Variants in GLP1R observed in about 807,000 individuals in gnomAD.
The protein encoded by GLP1R is glucagon-like peptide 1 receptor.
A neutral mutation model predicts 68.4 loss-of-function variants in GLP1R; 32 were observed. That is an observed-to-expected ratio of 0.47 (90% CI 0.35 to 0.63). The LOEUF (loss-of-function observed/expected upper bound fraction) is 0.63, where lower values mean the gene tolerates loss of function less well. Ranked by LOEUF, GLP1R falls within the 20% of genes least tolerant of loss-of-function variation. The pLI is 0.00. For synonymous variants in GLP1R, 263 were observed against 244.4 expected, an observed-to-expected ratio of 1.08 and a Z score of -0.71; for missense variants, 502 against 594.9, an observed-to-expected ratio of 0.84 and a Z score of 1.62.
At position 39,091,069 on chromosome 6, in the gene GLP1R, G is replaced by A. The variant is rs1296805584; in HGVS notation, c.*4996G>A. 6.6e-6 allele frequency among the ~76,000 whole-genome samples: 1 copy of A among 152,154 alleles called. No homozygotes were observed. Among genetic ancestry groups the A allele is most frequent in the Non-Finnish European group, 1.5e-5 (1 of 68,032 alleles). ...AACAGAGAGGTAAGCCAAGCTCTCA[G>A]GAGGGACAAAGATAGATTTCTATCT... On this transcript the variant is annotated 3_prime_UTR_variant, in exon 13 of 13. Coordinates refer to ENST00000373256, the MANE Select transcript of GLP1R (RefSeq NM_002062.5).
chr6:39,082,792 G>A (rs1454617272), intron 12 of GLP1R, among the ~76,000 whole-genome samples: 1 of 152,140 alleles, frequency 6.6e-6, no homozygotes, highest in Non-Finnish European at 1.5e-5. Context: ...GTGGGGATGA[G>A]GAGCAGAGGC....
chr6:39,073,738 G>T lies in GLP1R; in HGVS notation c.792G>T (p.Trp264Cys), dbSNP rs2150832591. The change falls in exon 7 of 13, where the codon TGG (tryptophan) becomes TGT (cysteine). Residue 264 changes from tryptophan (W) to cysteine (C), a missense_variant. Physicochemically the swap from Trp to Cys is radical, Grantham distance 215 (BLOSUM62 -2). Coordinates refer to ENST00000373256, the MANE Select transcript of GLP1R (RefSeq NM_002062.5). ...LLAFSVLSEQWIFRLYVSIGW... is the reference protein window; with the variant it reads ...LLAFSVLSEQCIFRLYVSIGW... The stretch of plus-strand genomic sequence containing the variant: ...CCTTCTCGGTCTTATCTGAGCAATG[G>T]ATCTTCAGGCTCTACGTGAGCATAG... 1 of 1,613,984 alleles carries T rather than the reference G, an allele frequency of 6.2e-7. No homozygotes were observed. The highest frequency in any genetic ancestry group is 8.5e-7 in the Non-Finnish European group (1 of 1,179,928).
chr6:39,090,525 G>A lies in GLP1R; in HGVS notation c.*4452G>A, dbSNP rs1769256312. Among the ~76,000 whole-genome samples, 1 of 152,188 alleles carries A rather than the reference G, an allele frequency of 6.6e-6. No homozygotes were observed. Among genetic ancestry groups the A allele is most frequent in the South Asian group, 2.1e-4 (1 of 4,828 alleles). ...TACTGTGAATGCTGTTCTTTCAGCT[G>A]TGACCAATTTGGGGGTGCAGCTGAG... On this transcript the variant is annotated 3_prime_UTR_variant, in exon 13 of 13. Transcript: ENST00000373256.
intron 7 of GLP1R, among the ~76,000 whole-genome samples, chr6:39,076,394 A>G (rs1274771946): frequency 1.3e-5 from 2 of 152,150 alleles, no homozygotes; most frequent in African/African-American, 2.4e-5. Context: ...AGCACCGTAG[A>G]TGCTGAGAGG....
Position 39,048,885 on chromosome 6 carries a change from C to A in GLP1R, c.45C>A (p.Leu15=). The A allele has an allele frequency of 2.0e-6, 3 of 1,487,642 alleles. No individual in the cohort carries two copies. The highest frequency in any genetic ancestry group is 1.5e-5 in the African/African-American group (1 of 68,440). 92.2% of individuals were successfully genotyped at this position (1,487,642 alleles called of 1,614,324 possible). The change falls in exon 1 of 13, where the codon CTC becomes CTA. Residue 15 remains leucine, a synonymous_variant. Transcript: ENST00000373256. ...CGCTGCGCCTTGCGCTGCTGCTGCT[C>A]GGGATGGTGGGCAGGGCCGGCCCCC... ...PGPLRLALLL[L]GMVGRAGPRP...
chr6:39,048,902 C>A lies in GLP1R; in HGVS notation c.62C>A (p.Ala21Asp). 1.4e-6 allele frequency: 2 copies of A among 1,417,272 alleles called. No individual in the cohort carries two copies. The highest frequency in any genetic ancestry group is 1.8e-6 in the Non-Finnish European group (2 of 1,082,112). The allele number at this position is 1,417,272 out of a possible 1,614,324, so 87.8% of individuals were successfully genotyped here. The change falls in exon 1 of 13, where the codon GCC becomes GAC. Residue 21 changes from alanine (A) to aspartate (D), a missense_variant. Coordinates refer to ENST00000373256, the MANE Select transcript of GLP1R (RefSeq NM_002062.5). ...CTGCTGCTCGGGATGGTGGGCAGGG[C>A]CGGCCCCCGCCCCCAGGTGAGATCC... is the stretch of plus-strand genomic sequence containing the variant. Reference protein sequence around the residue: ...ALLLLGMVGRAGPRPQGATVS... With the variant: ...ALLLLGMVGRDGPRPQGATVS...
intron 1 of GLP1R, among the ~76,000 whole-genome samples, chr6:39,055,175 C>A (rs1329704197): frequency 5.9e-5 from 9 of 152,160 alleles, no homozygotes; most frequent in Non-Finnish European, 1.2e-4. Flanking sequence ...AGCTAGAACC[C>A]GAGACTGGAT....
Position 39,065,844 on chromosome 6 carries a change from G to A in GLP1R, c.402+15G>A, listed in dbSNP as rs1258628689. ...GAGGGGAAAGAGTGAGTTGAGGCGG[G>A]GTTCTGAGCCAGGGAGCGGGGAGCC... On this transcript the variant is annotated intron_variant, in intron 4 of 12. Coordinates refer to ENST00000373256, the MANE Select transcript of GLP1R (RefSeq NM_002062.5). 6.6e-7 allele frequency: 1 copy of A among 1,509,006 alleles called. No individual in the cohort carries two copies. The highest frequency in any genetic ancestry group is 2.3e-5 in the East Asian group (1 of 44,166). The allele number at this position is 1,509,006 out of a possible 1,614,324, so 93.5% of individuals were successfully genotyped here.
In GLP1R at chr6:39,049,016, C is replaced by G; in HGVS notation, c.78+98C>G. On this transcript the variant is annotated intron_variant, in intron 1 of 12. Coordinates refer to ENST00000373256, the MANE Select transcript of GLP1R (RefSeq NM_002062.5). The surrounding 1 kb of genome is among the most constrained non-coding windows in gnomAD (Gnocchi z 4.5). Reference sequence around the variant, plus strand: ...GGAGGGCCCCGGGACTTGAACGAAACTCCGAGACCGCTGGCGGGGGCATCC... The same window carrying G: ...GGAGGGCCCCGGGACTTGAACGAAAGTCCGAGACCGCTGGCGGGGGCATCC... The G allele has an allele frequency of 3.9e-6, 2 of 519,266 alleles. No homozygotes were observed. The highest frequency in any genetic ancestry group is 6.5e-6 in the Non-Finnish European group (2 of 306,580). 32.2% of individuals were successfully genotyped at this position (519,266 alleles called of 1,614,324 possible).
chr6:39,067,172 T>C (rs1768540125), intron 5 of GLP1R, among the ~76,000 whole-genome samples: 1 of 152,224 alleles, frequency 6.6e-6, no homozygotes, highest in African/African-American at 2.4e-5. Flanking sequence ...AAGCCCTGAA[T>C]GTGCCTCTTT....
chr6:39,058,518 G>A (rs752330291), intron 3 of GLP1R, among the ~76,000 whole-genome samples: 11 of 152,102 alleles, frequency 7.2e-5, no homozygotes, highest in African/African-American at 1.2e-4. Flanking sequence ...AATGTGCCCC[G>A]CTATCTATCC....
intron 5 of GLP1R, among the ~76,000 whole-genome samples, chr6:39,069,119 A>C (rs1201968082): frequency 6.6e-6 from 1 of 152,128 alleles, no homozygotes; most frequent in Non-Finnish European, 1.5e-5. Flanking sequence ...CTTCCACCAA[A>C]TATTCTATTT....
chr6:39,080,847 C>A, intron 12 of GLP1R, 108 bp downstream of exon 12: 1 of 652,192 alleles, frequency 1.5e-6, no homozygotes, highest in Non-Finnish European at 2.6e-6. Flanking sequence ...AAACCCCCTA[C>A]TCACCTCACT....
intron 7 of GLP1R, among the ~76,000 whole-genome samples, chr6:39,076,692 C>T (rs1439868115): frequency 6.6e-6 from 1 of 152,222 alleles, no homozygotes; most frequent in African/African-American, 2.4e-5. Flanking sequence ...CACCCTCACA[C>T]ACACATGTCT....
rs369884619 is a variant in GLP1R, at chr6:39,061,148, C to T, written c.283+3569C>T. ...CAGTGTCCTGGAGAAGCCAGCCAAG[C>T]CCTTGAATTCTGACCCCTCTAATTG... On this transcript the variant is annotated intron_variant, in intron 3 of 12. Coordinates refer to ENST00000373256, the MANE Select transcript of GLP1R (RefSeq NM_002062.5). Among the ~76,000 whole-genome samples, 25 of 152,340 alleles carry T rather than the reference C, an allele frequency of 1.6e-4. No homozygotes were observed. In the East Asian group the frequency reaches 4.6e-3, roughly 28 times the overall value.
chr6:39,080,030 C>T (rs1221122548), intron 11 of GLP1R, among the ~76,000 whole-genome samples: 1 of 152,120 alleles, frequency 6.6e-6, no homozygotes, highest in Non-Finnish European at 1.5e-5. Context: ...CTCACAGAAC[C>T]CAGGAGATGT....
At chr6:39,077,009 G>A (rs1054526273) in intron 7 of GLP1R, among the ~76,000 whole-genome samples, 17 of 152,182 alleles carry the variant, frequency 1.1e-4, no homozygotes, top group African/African-American at 3.9e-4. Context: ...TACCCTCAAG[G>A]AACTGGGAAC....
intron 6 of GLP1R, 71 bp downstream of exon 6, chr6:39,073,086 A>G: frequency 1.4e-6 from 2 of 1,406,508 alleles, no homozygotes; most frequent in East Asian, 2.3e-5. Flanking sequence ...GCCACCCTAG[A>G]CAGGCCTGGG....
At chr6:39,052,791 A>G (rs527460208) in intron 1 of GLP1R, among the ~76,000 whole-genome samples, 1 of 152,286 alleles carries the variant, frequency 6.6e-6, no homozygotes, top group South Asian at 2.1e-4. Flanking sequence ...TGCCCATTTT[A>G]TGGACGGCAG....
Sources: allele counts gnomAD v4.1 joint callset (sites outside exome capture counted in the v4.1 genomes callset), GRCh38; gene constraint gnomAD v4.1.1; non-coding constraint Gnocchi (gnomAD v3.1); transcripts MANE v1.5; gene names NCBI Gene and HGNC (gene_info 2026-07-23, HGNC 2026-07-21).